Variants in ZNF827 observed in about 807,000 individuals in gnomAD.
ZNF827 encodes the protein zinc finger protein 827.
In ZNF827, 13 loss-of-function variants were observed where a neutral mutation model predicts 102.4. The ratio of observed to expected loss-of-function variants is 0.13; its 90% confidence interval spans 0.08 to 0.20. ZNF827 has a LOEUF of 0.20. ZNF827 is among the 10% of genes least tolerant of loss of function. The pLI is 1.00. For missense variants in ZNF827, 1,103 were observed against 1,344.4 expected, an observed-to-expected ratio of 0.82 and a Z score of 2.81; for synonymous variants, 523 against 536.2, an observed-to-expected ratio of 0.98 and a Z score of 0.34.
chr4:145,913,624 G>C (rs1752459319), intron 1 of ZNF827, among the ~76,000 whole-genome samples: 1 of 151,926 alleles, frequency 6.6e-6, no homozygotes, highest in African/African-American at 2.4e-5. Flanking sequence ...ACCAAAATGG[G>C]ACTGGTTAGT....
chr4:145,900,554 C>T (rs1351984953), intron 2 of ZNF827, among the ~76,000 whole-genome samples: 5 of 152,086 alleles, frequency 3.3e-5, no homozygotes, highest in African/African-American at 7.2e-5. Flanking sequence ...GGATTACAGG[C>T]GCACACCACC....
chr4:145,800,722 T>C (rs1740818555), intron 8 of ZNF827, among the ~76,000 whole-genome samples: 1 of 152,224 alleles, frequency 6.6e-6, no homozygotes, highest in Non-Finnish European at 1.5e-5. Context: ...TTGCAGATTG[T>C]AGGATGTTTA....
chr4:145,799,975 C>T (rs1451298035), intron 8 of ZNF827, among the ~76,000 whole-genome samples: 4 of 151,634 alleles, frequency 2.6e-5, no homozygotes, highest in Non-Finnish European at 4.4e-5. Context: ...TCACCTTCTA[C>T]CTTATTTAAG....
intron 8 of ZNF827, among the ~76,000 whole-genome samples, chr4:145,796,979 A>C (rs886721897): frequency 2.6e-5 from 4 of 152,092 alleles, no homozygotes; most frequent in Admixed American, 2.0e-4. Flanking sequence ...CCTTCATTTC[A>C]TAGATACCAA....
At chr4:145,862,663 C>A (rs557674647) in intron 5 of ZNF827, among the ~76,000 whole-genome samples, 2 of 152,258 alleles carry the variant, frequency 1.3e-5, no homozygotes, top group South Asian at 4.2e-4. Context: ...TGCCATCAGA[C>A]ATATAAAGAA....
intron 1 of ZNF827, among the ~76,000 whole-genome samples, chr4:145,924,857 A>G (rs72958604): frequency 0.024 from 3,626 of 152,236 alleles, 143 homozygotes; most frequent in African/African-American, 0.08. Flanking sequence ...GAAGTCCCTT[A>G]TCTTAGTGTC....
At chr4:145,864,178 C>T (rs1259637114) in intron 5 of ZNF827, among the ~76,000 whole-genome samples, 1 of 151,536 alleles carries the variant, frequency 6.6e-6, no homozygotes, top group Non-Finnish European at 1.5e-5. Context: ...TCATACACAA[C>T]CTCCCACACA....
At chr4:145,926,335 T>A (rs1753421987) in intron 1 of ZNF827, among the ~76,000 whole-genome samples, 1 of 152,216 alleles carries the variant, frequency 6.6e-6, no homozygotes, top group Non-Finnish European at 1.5e-5. Flanking sequence ...GTATTCCCAA[T>A]TGCCTCAATA....
intron 7 of ZNF827, among the ~76,000 whole-genome samples, chr4:145,835,749 G>GCA (rs1218442142): frequency 2.5e-5 from 3 of 117,764 alleles, no homozygotes; most frequent in African/African-American, 9.3e-5. Flanking sequence ...CCATCCCGCA[G>GCA]CACGCTTTAA....
chr4:145,904,025 A>T (rs951724046), intron 1 of ZNF827, among the ~76,000 whole-genome samples: 1 of 152,016 alleles, frequency 6.6e-6, no homozygotes, highest in African/African-American at 2.4e-5. Context: ...CTCCACTAAG[A>T]GTGTCTTTTC....
intron 7 of ZNF827, among the ~76,000 whole-genome samples, chr4:145,844,889 A>C (rs901028748): frequency 2.6e-5 from 4 of 152,150 alleles, no homozygotes; most frequent in African/African-American, 9.7e-5. Context: ...TCGATTAATA[A>C]GACATCAAAA....
intron 5 of ZNF827, among the ~76,000 whole-genome samples, chr4:145,869,650 A>G (rs1431940380): frequency 6.6e-6 from 1 of 152,180 alleles, no homozygotes; most frequent in Non-Finnish European, 1.5e-5. Flanking sequence ...ATTATAAGCT[A>G]TTTTCCCTAC....
intron 1 of ZNF827, among the ~76,000 whole-genome samples, chr4:145,914,050 C>T (rs1191596709): frequency 7.5e-6 from 1 of 134,218 alleles, no homozygotes; most frequent in Non-Finnish European, 1.5e-5. Context: ...TAAAATGATA[C>T]ATTTCTTTGT....
intron 1 of ZNF827, among the ~76,000 whole-genome samples, chr4:145,933,317 G>C (rs540048065): frequency 1.3e-5 from 2 of 152,262 alleles, no homozygotes; most frequent in East Asian, 3.9e-4. Context: ...GACAGGATCA[G>C]TGAAATATTT....
At chr4:145,824,195 T>A (rs1743438067) in intron 7 of ZNF827, among the ~76,000 whole-genome samples, 1 of 152,126 alleles carries the variant, frequency 6.6e-6, no homozygotes, top group African/African-American at 2.4e-5. Context: ...AGAACTAGGG[T>A]CACCAGACAT....
In ZNF827 at chr4:145,759,065, CTT is replaced by C. The variant is rs2126828772; in HGVS notation, c.*2549_*2550del. On this transcript the variant is annotated 3_prime_UTR_variant, in exon 15 of 15. Coordinates refer to ENST00000508784, the MANE Select transcript of ZNF827 (RefSeq NM_001306215.2). ...AAACAGATTTTAAAAAACCCCAACTCTTAGGATAACACATGATGGAAAACAGC... is the reference window on the plus strand; with the variant it reads ...AAACAGATTTTAAAAAACCCCAACTCAGGATAACACATGATGGAAAACAGC... 6.6e-6 allele frequency: 1 copy of C among 152,286 alleles called. No homozygotes were observed. Among genetic ancestry groups the C allele is most frequent in the African/African-American group, 2.4e-5 (1 of 41,564 alleles). The allele number at this position is 152,286 out of a possible 1,614,324, so 9.4% of individuals were successfully genotyped here. A position where few individuals can be genotyped will look rare whatever the true frequency, so the allele number is the denominator to read the frequency against.
At chr4:145,803,758 T>C (rs1389871089) in intron 8 of ZNF827, among the ~76,000 whole-genome samples, 1 of 152,154 alleles carries the variant, frequency 6.6e-6, no homozygotes, top group Non-Finnish European at 1.5e-5. Flanking sequence ...CCAGTAATGA[T>C]TTCCCAAAGG....
intron 5 of ZNF827, among the ~76,000 whole-genome samples, chr4:145,859,379 T>C (rs891587617): frequency 3.9e-5 from 6 of 152,116 alleles, no homozygotes; most frequent in Admixed American, 3.9e-4. Flanking sequence ...AGGAGTAATA[T>C]AGGGTTCATT....
At chr4:145,767,760 T>A (rs1455008602) in intron 11 of ZNF827, among the ~76,000 whole-genome samples, 1 of 152,086 alleles carries the variant, frequency 6.6e-6, no homozygotes, top group Non-Finnish European at 1.5e-5. Context: ...TTATACCCAG[T>A]GAAAATATAT....
Sources: allele counts gnomAD v4.1 joint callset (sites outside exome capture counted in the v4.1 genomes callset), GRCh38; gene constraint gnomAD v4.1.1; transcripts MANE v1.5; gene names NCBI Gene and HGNC (gene_info 2026-07-23, HGNC 2026-07-21).